FAM227B: variants seen among roughly 807,000 people sequenced by gnomAD.
FAM227B encodes the protein protein FAM227B.
FAM227B carries 88 observed loss-of-function variants against 73.8 expected under a neutral mutation model. That is an observed-to-expected ratio of 1.19 (90% CI 1.00 to 1.42). The LOEUF (loss-of-function observed/expected upper bound fraction) is 1.42. FAM227B is among the 40% of genes most tolerant of loss of function. The probability of loss-of-function intolerance (pLI) is 0.00; values close to 1 mark genes in which losing one functional copy is unlikely to be tolerated. For synonymous variants in FAM227B, 210 were observed against 190.5 expected (o/e 1.10, Z -0.84); for missense variants, 632 against 590.9 (o/e 1.07, Z -0.72).
intron 13 of FAM227B, among the ~76,000 whole-genome samples, chr15:49,336,250 T>C (rs1462830175): frequency 1.3e-5 from 2 of 152,346 alleles, no homozygotes; most frequent in Non-Finnish European, 1.5e-5. Context: ...AATGTCCAAG[T>C]ATGTTGCTAA....
chr15:49,596,713 T>C (rs961477446), intron 3 of FAM227B, among the ~76,000 whole-genome samples: 2 of 151,914 alleles, frequency 1.3e-5, no homozygotes, highest in Non-Finnish European at 2.9e-5. Context: ...CCAGTATCTG[T>C]TATCTTCAAG....
intron 11 of FAM227B, among the ~76,000 whole-genome samples, chr15:49,405,387 C>A (rs76541289): frequency 0.017 from 2,645 of 152,276 alleles, 99 homozygotes; most frequent in African/African-American, 0.061. Flanking sequence ...TTTGGGGACA[C>A]CAATGAGTCA....
intron 11 of FAM227B, among the ~76,000 whole-genome samples, chr15:49,484,149 A>C (rs1455490795): frequency 6.6e-6 from 1 of 152,064 alleles, no homozygotes; most frequent in East Asian, 1.9e-4. Flanking sequence ...AATATACTAC[A>C]TAAGTATAGC....
At chr15:49,387,873 G>A (rs142034409) in intron 11 of FAM227B, among the ~76,000 whole-genome samples, 4 of 151,458 alleles carry the variant, frequency 2.6e-5, no homozygotes, top group African/African-American at 9.7e-5. Context: ...TCTTTTATAA[G>A]AGCTGCAAAA....
At chr15:49,475,741 C>A (rs2055203546) in intron 11 of FAM227B, among the ~76,000 whole-genome samples, 1 of 151,978 alleles carries the variant, frequency 6.6e-6, no homozygotes, top group Non-Finnish European at 1.5e-5. Flanking sequence ...TAATCCCAAC[C>A]CTTTGGGAGG....
chr15:49,585,152 C>G (rs2076072005), intron 5 of FAM227B, among the ~76,000 whole-genome samples: 1 of 152,066 alleles, frequency 6.6e-6, no homozygotes, highest in Non-Finnish European at 1.5e-5. Flanking sequence ...TACCATCTCA[C>G]ACCAGTTAGA....
chr15:49,503,062 G>C (rs2152096978), intron 11 of FAM227B, among the ~76,000 whole-genome samples: 1 of 151,690 alleles, frequency 6.6e-6, no homozygotes, highest in South Asian at 2.1e-4. Context: ...GCATGGTCCT[G>C]GTACCAAAAC....
At chr15:49,555,714 A>T (rs1049366729) in intron 9 of FAM227B, among the ~76,000 whole-genome samples, 1 of 152,124 alleles carries the variant, frequency 6.6e-6, no homozygotes, top group Non-Finnish European at 1.5e-5. Flanking sequence ...ACATAATCCC[A>T]TATCTCTAGA....
intron 11 of FAM227B, among the ~76,000 whole-genome samples, chr15:49,411,148 A>G (rs1309358001): frequency 1.3e-5 from 2 of 152,016 alleles, no homozygotes; most frequent in Non-Finnish European, 2.9e-5. Context: ...AGAATTGAAA[A>G]TAGAACCCCC....
At chr15:49,421,158 C>T (rs2151732158) in intron 11 of FAM227B, among the ~76,000 whole-genome samples, 1 of 152,320 alleles carries the variant, frequency 6.6e-6, no homozygotes, top group South Asian at 2.1e-4. Flanking sequence ...CAATGTATAA[C>T]TTAAAACATC....
At chr15:49,457,141 A>G (rs1251228183) in intron 11 of FAM227B, among the ~76,000 whole-genome samples, 1 of 152,082 alleles carries the variant, frequency 6.6e-6, no homozygotes, top group Non-Finnish European at 1.5e-5. Context: ...TGAACAGTAG[A>G]GAACTACTAA....
chr15:49,577,731 G>T (rs2075549897), intron 5 of FAM227B, 67 bp from the exon 6 acceptor site: 2 of 1,000,580 alleles, frequency 2.0e-6, no homozygotes, highest in Non-Finnish European at 3.0e-6. Flanking sequence ...TAGTAAATTT[G>T]TTCAGTTAAC....
chr15:49,550,284 G>T (rs1257746207), intron 9 of FAM227B, among the ~76,000 whole-genome samples: 1 of 145,918 alleles, frequency 6.9e-6, no homozygotes. Flanking sequence ...AGGGGCGGCC[G>T]GGCAGAGGCG....
intron 9 of FAM227B, among the ~76,000 whole-genome samples, chr15:49,558,629 G>A (rs1415189783): frequency 2.0e-5 from 3 of 152,044 alleles, no homozygotes; most frequent in African/African-American, 7.2e-5. Flanking sequence ...CACCATCTAA[G>A]CATTTTACCT....
chr15:49,568,458 A>G (rs1429957493), intron 8 of FAM227B, 112 bp from the exon 9 acceptor site: 4 of 843,886 alleles, frequency 4.7e-6, no homozygotes, highest in Non-Finnish European at 7.2e-6. Context: ...GGTACAGGAG[A>G]ATCAGCATGG....
intron 11 of FAM227B, among the ~76,000 whole-genome samples, chr15:49,466,190 A>G (rs2054250432): frequency 6.6e-6 from 1 of 152,234 alleles, no homozygotes; most frequent in Admixed American, 6.5e-5. Flanking sequence ...CTAATTATCA[A>G]GCTTCACCTC....
intron 11 of FAM227B, among the ~76,000 whole-genome samples, chr15:49,443,568 T>A (rs190968071): frequency 3.3e-5 from 5 of 151,710 alleles, no homozygotes; most frequent in African/African-American, 9.7e-5. Flanking sequence ...TCATTGTGAA[T>A]AGAACAAAAA....
intron 11 of FAM227B, among the ~76,000 whole-genome samples, chr15:49,449,952 T>G (rs192517520): frequency 2.6e-5 from 4 of 152,206 alleles, no homozygotes; most frequent in Non-Finnish European, 5.9e-5. Flanking sequence ...CACAGACATA[T>G]GCAAAGAAAA....
At chr15:49,592,870 G>C (rs1183935974) in intron 3 of FAM227B, among the ~76,000 whole-genome samples, 1 of 152,164 alleles carries the variant, frequency 6.6e-6, no homozygotes, top group Non-Finnish European at 1.5e-5. Context: ...TGCCCACTTT[G>C]TTTACCTACT....
Sources: gnomAD v4.1 joint callset for allele counts (sites outside exome capture counted in the v4.1 genomes callset) on GRCh38, gnomAD v4.1.1 for gene constraint, MANE v1.5 for transcripts, NCBI Gene and HGNC (gene_info 2026-07-23, HGNC 2026-07-21) for gene names.